DNAH5: variants seen among roughly 807,000 people sequenced by gnomAD.
DNAH5 encodes the protein axonemal beta dynein heavy chain 5.
In DNAH5, 372 loss-of-function variants were observed where a neutral mutation model predicts 518.2. The observed-to-expected ratio is 0.72, with a 90% CI of 0.66 to 0.78. The LOEUF is 0.78. Ranked by LOEUF, DNAH5 falls within the 30% of genes least tolerant of loss-of-function variation. The pLI is 0.00. For missense variants in DNAH5, 5,523 were observed against 5,687.0 expected (o/e 0.97, Z 0.93); for synonymous variants, 2,039 against 2,025.9 (o/e 1.01, Z -0.17).
chr5:13,936,330 T>C (rs926323367), intron 1 of DNAH5, among the ~76,000 whole-genome samples: 2 of 152,166 alleles, frequency 1.3e-5, no homozygotes, highest in Non-Finnish European at 2.9e-5. Flanking sequence ...ATCTACAGAC[T>C]CAAAATTTTA....
At chr5:13,932,643 T>A (rs534381085) in intron 1 of DNAH5, among the ~76,000 whole-genome samples, 7 of 152,204 alleles carry the variant, frequency 4.6e-5, no homozygotes, top group African/African-American at 1.7e-4. Flanking sequence ...GAGTTTCATA[T>A]CAAGAGAGAT....
Position 13,708,284 on chromosome 5 carries a change from G to A in DNAH5, c.13177C>T (p.Leu4393Phe), listed in dbSNP as rs1743053977. The A allele has an allele frequency of 1.9e-6, 3 of 1,614,090 alleles. No homozygotes were observed. Among genetic ancestry groups the A allele is most frequent in the Middle Eastern group, 1.6e-4 (1 of 6,062 alleles). ...MGPFQPMNIF[L>F]RQEIDRMQRV... ...TGCATTCTGTCTATTTCCTGCCTGAGGAAAATGTTCATAGGCTGGAATGGC... is the reference window on the plus strand; with the variant it reads ...TGCATTCTGTCTATTTCCTGCCTGAAGAAAATGTTCATAGGCTGGAATGGC... Residue 4393 changes from leucine to phenylalanine, a missense_variant, in exon 76 of 79, where the codon CTC becomes TTC. Leu to Phe is a conservative substitution (Grantham distance 22). Around this residue, in one of 3 missense-constraint regions of DNAH5, gnomAD observed 387 missense variants for 430.0 expected, o/e 0.90. Transcript: ENST00000265104.
Position 13,913,854 on chromosome 5 carries a change from A to AGTTTCGAATTTTCCAAAAATATAC in DNAH5, c.1401_1424dup (p.Tyr468_Thr475dup). 2 of 1,613,664 alleles carry AGTTTCGAATTTTCCAAAAATATAC rather than the reference A, an allele frequency of 1.2e-6. No individual in the cohort carries two copies. Among genetic ancestry groups the AGTTTCGAATTTTCCAAAAATATAC allele is most frequent in the Non-Finnish European group, 1.7e-6 (2 of 1,179,652 alleles). On this transcript the variant is annotated inframe_insertion, in exon 11 of 79. Coordinates refer to ENST00000265104, the MANE Select transcript of DNAH5 (RefSeq NM_001369.3). ...TTATCTTGGCAAGGCGTCGGTGAAA[A>AGTTTCGAATTTTCCAAAAATATAC]GTTTCGAATTTTCCAAAAATATACA...
At chr5:13,948,038 A>G (rs1182770620), upstream of DNAH5, among the ~76,000 whole-genome samples, 1 of 152,198 alleles carries the variant, frequency 6.6e-6, no homozygotes, top group African/African-American at 2.4e-5. Context: ...CTGTCACCCA[A>G]GTGGCACCAC....
intron 22 of DNAH5, among the ~76,000 whole-genome samples, chr5:13,873,643 T>C (rs1032125708): frequency 1.3e-5 from 2 of 151,560 alleles, no homozygotes; most frequent in Non-Finnish European, 2.9e-5. Context: ...AATTTTGTCT[T>C]TTTTTATTTA....
rs190102384 is a variant in DNAH5, at chr5:13,922,409, G to C, written c.439-81C>G. On this transcript the variant is annotated intron_variant, in intron 4 of 78. Transcript: ENST00000265104. ...ACTACTAAGTCATTTCTTAAATGTT[G>C]TCACTTTACCAAATACCCAGTAAAT... 232 of 1,347,644 alleles carry C rather than the reference G, an allele frequency of 1.7e-4. No individual in the cohort carries two copies. The Admixed American group carries it at 4.5e-3, about 26-fold the overall frequency. 83.5% of individuals were successfully genotyped at this position (1,347,644 alleles called of 1,614,324 possible).
chr5:13,801,584 T>C (rs1440704911), intron 47 of DNAH5, among the ~76,000 whole-genome samples: 1 of 152,144 alleles, frequency 6.6e-6, no homozygotes, highest in Non-Finnish European at 1.5e-5. Context: ...CAGCCCAACC[T>C]CCCTCCTGAG....
intron 15 of DNAH5, chr5:13,897,414 G>A (rs576905622): frequency 8.5e-5 from 13 of 152,256 alleles, no homozygotes; most frequent in African/African-American, 1.9e-4. Flanking sequence ...TTTGACAAAA[G>A]AGAAACCCAG....
intron 72 of DNAH5, among the ~76,000 whole-genome samples, chr5:13,718,531 A>C (rs1744608645): frequency 6.6e-6 from 1 of 152,250 alleles, no homozygotes. Flanking sequence ...CATGACTTTA[A>C]TTCAGACTCT....
chr5:13,695,069 A>G (rs528290714), intron 78 of DNAH5, among the ~76,000 whole-genome samples: 1 of 152,354 alleles, frequency 6.6e-6, no homozygotes, highest in South Asian at 2.1e-4. Context: ...TCTCCGCTTC[A>G]TCTCTGCAAT....
At chr5:13,884,096 C>G (rs1174253125) in intron 19 of DNAH5, among the ~76,000 whole-genome samples, 1 of 152,034 alleles carries the variant, frequency 6.6e-6, no homozygotes, top group African/African-American at 2.4e-5. Flanking sequence ...AATACAACAC[C>G]TATTTCTGAA....
intron 59 of DNAH5, among the ~76,000 whole-genome samples, chr5:13,765,774 C>A (rs1752434091): frequency 6.6e-6 from 1 of 152,114 alleles, no homozygotes; most frequent in Non-Finnish European, 1.5e-5. Context: ...GTATACATAA[C>A]ACTGATGATG....
chr5:13,933,391 T>C (rs922411110), intron 1 of DNAH5, among the ~76,000 whole-genome samples: 2 of 152,214 alleles, frequency 1.3e-5, no homozygotes, highest in Non-Finnish European at 1.5e-5. Flanking sequence ...AGTGCAGATA[T>C]GATTTTCTAA....
intron 1 of DNAH5, among the ~76,000 whole-genome samples, chr5:13,985,279 A>G (rs1274253926): frequency 1.1e-4 from 11 of 100,378 alleles, no homozygotes; most frequent in African/African-American, 2.4e-4. Flanking sequence ...GGCCTGTTGT[A>G]GGGTGGGGGG....
At chr5:13,856,913 T>C (rs1027644722) in intron 30 of DNAH5, among the ~76,000 whole-genome samples, 3 of 152,160 alleles carry the variant, frequency 2.0e-5, no homozygotes, top group African/African-American at 7.2e-5. Flanking sequence ...TCATACTGAA[T>C]AGGCAAAAGC....
upstream of DNAH5, among the ~76,000 whole-genome samples, chr5:13,946,465 A>C (rs1779932503): frequency 6.6e-6 from 1 of 152,212 alleles, no homozygotes; most frequent in African/African-American, 2.4e-5. Flanking sequence ...AAAGCAAGCC[A>C]AGGCTGAATT....
chr5:13,773,934 C>T (rs188587469), intron 55 of DNAH5, among the ~76,000 whole-genome samples: 14 of 151,502 alleles, frequency 9.2e-5, no homozygotes, highest in South Asian at 2.1e-4. Flanking sequence ...AAAAAAAGAG[C>T]ATATTCAAGG....
chr5:13,750,884 T>C (rs1341150794), intron 65 of DNAH5, among the ~76,000 whole-genome samples, 194 bp downstream of exon 65: 1 of 152,146 alleles, frequency 6.6e-6, no homozygotes, highest in Admixed American at 6.6e-5. Context: ...GAGACATTTG[T>C]GAAACATATG....
chr5:13,844,743 C>T (rs879063516), intron 32 of DNAH5, 94 bp downstream of exon 32: 6 of 1,529,758 alleles, frequency 3.9e-6, no homozygotes, highest in Non-Finnish European at 5.4e-6. Context: ...AGGGAAGCAA[C>T]CCTTGTTATA....
Sources: allele counts gnomAD v4.1 joint callset (sites outside exome capture counted in the v4.1 genomes callset), GRCh38; gene constraint gnomAD v4.1.1; regional missense constraint gnomAD v4.1.1; transcripts MANE v1.5; gene names NCBI Gene and HGNC (gene_info 2026-07-23, HGNC 2026-07-21).